RC3H2: variants seen among roughly 807,000 people sequenced by gnomAD.
The protein encoded by RC3H2 is roquin-2.
In RC3H2, 31 loss-of-function variants were observed where a neutral mutation model predicts 133.3. The observed-to-expected ratio is 0.23, with a 90% CI of 0.17 to 0.31. RC3H2 has a LOEUF of 0.31. RC3H2 is among the 10% of genes least tolerant of loss of function. RC3H2 has a pLI of 1.00. For synonymous variants in RC3H2, 517 were observed against 502.2 expected (o/e 1.03, Z -0.40); for missense variants, 1,175 against 1,437.2 (o/e 0.82, Z 2.95).
intron 9 of RC3H2, chr9:122,875,517 C>T: frequency 8.2e-7 from 1 of 1,225,584 alleles, no homozygotes; most frequent in Non-Finnish European, 1.1e-6. Flanking sequence ...GTGGTTGTAA[C>T]AGATTCTGTG....
At chr9:122,889,136 G>A (rs1033653353) in intron 4 of RC3H2, among the ~76,000 whole-genome samples, 12 of 151,912 alleles carry the variant, frequency 7.9e-5, no homozygotes, top group African/African-American at 1.9e-4. Flanking sequence ...TGTTTGTTAC[G>A]TAATTTATAA....
intron 18 of RC3H2, among the ~76,000 whole-genome samples, chr9:122,851,745 A>C (rs1054423607): frequency 4.6e-5 from 7 of 152,244 alleles, no homozygotes; most frequent in Non-Finnish European, 8.8e-5. Flanking sequence ...GTGATCTGCC[A>C]GCCTCGGCCT....
At chr9:122,876,234 C>G (rs1390030728) in intron 9 of RC3H2, among the ~76,000 whole-genome samples, 3 of 152,036 alleles carry the variant, frequency 2.0e-5, no homozygotes, top group Non-Finnish European at 4.4e-5. Context: ...AAACTGGGTA[C>G]ACGAGGTGAG....
At chr9:122,864,359 C>T (rs201852484) in intron 10 of RC3H2, among the ~76,000 whole-genome samples, 1 of 134,416 alleles carries the variant, frequency 7.4e-6, no homozygotes, top group South Asian at 2.3e-4. Context: ...TATGCTGACA[C>T]TCAGTAACAA....
intron 1 of RC3H2, 128 bp from the exon 2 acceptor site, chr9:122,897,704 T>A: frequency 1.5e-6 from 1 of 652,368 alleles, no homozygotes; most frequent in Non-Finnish European, 2.5e-6. Context: ...CCTTTGGATG[T>A]CTTTTTTAAA....
At position 122,849,734 on chromosome 9, in the gene RC3H2, T is replaced by C; in HGVS notation, c.3469A>G (p.Thr1157Ala). The C allele has an allele frequency of 6.2e-7, 1 of 1,609,890 alleles. No individual in the cohort carries two copies. The highest frequency in any genetic ancestry group is 8.5e-7 in the Non-Finnish European group (1 of 1,177,980). ...SISNASCLPI[T>A]TSVSAGNLIL... ...AGGTTGCCAGCACTGACAGATGTGG[T>C]GATGGGGAGGCAACTTGCATTGCTA... The change falls in exon 21 of 21, where the codon ACC becomes GCC. Residue 1157 changes from threonine (T) to alanine (A), a missense_variant. By Grantham distance (58) the Thr-to-Ala change is moderately conservative (BLOSUM62 0). Around this residue, in one of 8 missense-constraint regions of RC3H2, gnomAD observed 220 missense variants for 201.1 expected, o/e 1.09. Coordinates refer to ENST00000357244, the MANE Select transcript of RC3H2 (RefSeq NM_001100588.3).
In RC3H2 at chr9:122,880,027, A is replaced by C; in HGVS notation, c.1059T>G (p.His353Gln). The C allele has an allele frequency of 6.2e-7, 1 of 1,614,204 alleles. No individual in the cohort carries two copies. ...DPANLNRLRP[H>Q]LELLANIDPN... ...GGTCTATGTTTGCAAGAAGCTCTAA[A>C]TGAGGCCTCAGTCTATTTAAGTTAG... is the stretch of plus-strand genomic sequence containing the variant. The change falls in exon 7 of 21, where the codon CAT becomes CAG. Residue 353 changes from histidine (H) to glutamine (Q), a missense_variant. By Grantham distance (24) the His-to-Gln change is conservative. Around this residue, in one of 8 missense-constraint regions of RC3H2, gnomAD observed 131 missense variants for 154.2 expected, o/e 0.85. Transcript: ENST00000357244.
chr9:122,863,305 T>C (rs1830526194), intron 10 of RC3H2, among the ~76,000 whole-genome samples: 1 of 152,180 alleles, frequency 6.6e-6, no homozygotes, highest in South Asian at 2.1e-4. Context: ...TTTTACAAAA[T>C]TTTCTTGCCA....
rs955954127 is a variant in RC3H2 at position 122,845,340 on chromosome 9, G to A, written c.*4287C>T. On this transcript the variant is annotated 3_prime_UTR_variant, in exon 21 of 21. Coordinates refer to ENST00000357244, the MANE Select transcript of RC3H2 (RefSeq NM_001100588.3). ...GTGGATATGTGCAGTACAAATAAAA[G>A]CCACATGTGTTGTATCACAACTACA... is the stretch of plus-strand genomic sequence containing the variant. 1 of 152,180 alleles carries A rather than the reference G, an allele frequency of 6.6e-6. No individual in the cohort carries two copies. The highest frequency in any genetic ancestry group is 2.4e-5 in the African/African-American group (1 of 41,448). The allele number at this position is 152,180 out of a possible 1,614,324, so 9.4% of individuals were successfully genotyped here.
At chr9:122,882,203 T>C (rs1831676166) in intron 5 of RC3H2, among the ~76,000 whole-genome samples, 3 of 152,234 alleles carry the variant, frequency 2.0e-5, no homozygotes, top group Admixed American at 1.3e-4. Flanking sequence ...ATTCAAAAGA[T>C]ACAGAGTTTT....
chr9:122,886,810 C>T (rs1355494805), intron 4 of RC3H2, among the ~76,000 whole-genome samples: 1 of 152,188 alleles, frequency 6.6e-6, no homozygotes, highest in South Asian at 2.1e-4. Context: ...TGTTAGTCAT[C>T]GTGTCTCTTC....
chr9:122,850,219 C>G (rs1237852679), intron 20 of RC3H2, among the ~76,000 whole-genome samples: 1 of 152,094 alleles, frequency 6.6e-6, no homozygotes, highest in East Asian at 1.9e-4. Context: ...AAATGATCCA[C>G]CCGCCTCGGC....
chr9:122,897,773 T>C (rs1438195255), intron 1 of RC3H2, 197 bp from the exon 2 acceptor site: 9 of 398,430 alleles, frequency 2.3e-5, no homozygotes, highest in Non-Finnish European at 3.6e-5. Context: ...AATACCTTAA[T>C]AGTGTTCCTT....
At chr9:122,896,715 T>G (rs1832433655) in intron 2 of RC3H2, among the ~76,000 whole-genome samples, 1 of 151,868 alleles carries the variant, frequency 6.6e-6, no homozygotes, top group Admixed American at 6.6e-5. Flanking sequence ...GTAATTGCAG[T>G]TTTTGCCATT....
chr9:122,867,286 G>A (rs1830742238), intron 9 of RC3H2, among the ~76,000 whole-genome samples: 2 of 73,036 alleles, frequency 2.7e-5, no homozygotes, highest in South Asian at 4.6e-4. Flanking sequence ...GAGGTGGGGG[G>A]GTCAGCCCCC....
intron 4 of RC3H2, among the ~76,000 whole-genome samples, chr9:122,888,648 A>G (rs1240999889): frequency 6.6e-6 from 1 of 152,230 alleles, no homozygotes; most frequent in African/African-American, 2.4e-5. Flanking sequence ...CTAGCAGAAT[A>G]TATACTTCTT....
Position 122,855,785 on chromosome 9 carries a change from C to A in RC3H2, c.2548G>T (p.Ala850Ser). ...ACATCTTTGGGCTCTGAATCAATGG[C>A]ATTTATACAGGAGCCTATGGTGCCA... ...SCGTIGSCIN[A>S]IDSEPKDVIA... Residue 850 changes from alanine (A) to serine (S), a missense_variant, in exon 14 of 21, where the codon GCC becomes TCC. By Grantham distance (99) the Ala-to-Ser change is moderately conservative (BLOSUM62 1). This residue lies in a region of RC3H2 where 138 missense variants were observed against 215.0 expected (regional missense o/e 0.64). Transcript: ENST00000357244. 6.2e-7 allele frequency: 1 copy of A among 1,613,224 alleles called. No individual in the cohort carries two copies. Among genetic ancestry groups the A allele is most frequent in the Non-Finnish European group, 8.5e-7 (1 of 1,179,546 alleles).
At chr9:122,850,964 A>C (rs1359750896) in intron 20 of RC3H2, 117 bp downstream of exon 20, 5 of 1,073,790 alleles carry the variant, frequency 4.7e-6, no homozygotes, top group Non-Finnish European at 6.8e-6. Flanking sequence ...GATTGACCAA[A>C]TCATTGCCCA....
At chr9:122,852,610 C>T (rs1209777167) in intron 18 of RC3H2, among the ~76,000 whole-genome samples, 13 of 150,756 alleles carry the variant, frequency 8.6e-5, no homozygotes, top group Non-Finnish European at 1.6e-4. Flanking sequence ...CCCGGCCAGC[C>T]GCCCTGACCG....
Sources: gnomAD v4.1 joint callset for allele counts (sites outside exome capture counted in the v4.1 genomes callset) on GRCh38, gnomAD v4.1.1 for gene constraint, gnomAD v4.1.1 regional missense constraint, MANE v1.5 for transcripts, NCBI Gene and HGNC (gene_info 2026-07-23, HGNC 2026-07-21) for gene names.